ITGA9: variants seen among roughly 807,000 people sequenced by gnomAD.
ITGA9 encodes the protein integrin alpha-9.
A neutral mutation model predicts 127.8 loss-of-function variants in ITGA9; 56 were observed. That is an observed-to-expected ratio of 0.44 (90% confidence interval 0.35 to 0.55). The LOEUF is 0.55. Among genes scored for constraint, ITGA9 ranks in the 20% least tolerant of loss-of-function variants. The probability of loss-of-function intolerance (pLI) is 0.00; values close to 1 mark genes in which losing one functional copy is unlikely to be tolerated. For missense variants in ITGA9, 1,196 were observed against 1,347.1 expected (o/e 0.89, Z 1.76); for synonymous variants, 508 against 514.5 (o/e 0.99, Z 0.17).
At chr3:37,750,369 A>C (rs1696567595) in intron 22 of ITGA9, 93 bp from the exon 23 acceptor site, 1 of 831,258 alleles carries the variant, frequency 1.2e-6, no homozygotes, top group Non-Finnish European at 2.1e-6. Flanking sequence ...TCTGTATGTG[A>C]TTTCAAAGAA....
At chr3:37,698,536 G>A (rs377117818) in intron 18 of ITGA9, among the ~76,000 whole-genome samples, 7 of 152,110 alleles carry the variant, frequency 4.6e-5, no homozygotes, top group East Asian at 3.8e-4. Flanking sequence ...AAGAGATCCC[G>A]TTTTCCATCA....
intron 3 of ITGA9, 72 bp from the exon 4 acceptor site, chr3:37,481,412 C>G: frequency 7.6e-6 from 12 of 1,586,566 alleles, no homozygotes; most frequent in Non-Finnish European, 7.8e-6. Context: ...AAACATCTGG[C>G]ACTGACAGGA....
intron 18 of ITGA9, among the ~76,000 whole-genome samples, chr3:37,698,995 C>T (rs908496107): frequency 1.2e-4 from 19 of 152,220 alleles, no homozygotes; most frequent in African/African-American, 4.6e-4. Context: ...GCACTCCCTT[C>T]TTCTGGGGAT....
At chr3:37,730,655 G>A (rs1475696998) in intron 18 of ITGA9, among the ~76,000 whole-genome samples, 1 of 152,174 alleles carries the variant, frequency 6.6e-6, no homozygotes, top group Admixed American at 6.5e-5. Context: ...GTGCTGAAAT[G>A]TGGTGTGTGA....
At chr3:37,487,463 T>G (rs1019688945) in intron 4 of ITGA9, among the ~76,000 whole-genome samples, 1 of 152,224 alleles carries the variant, frequency 6.6e-6, no homozygotes, top group African/African-American at 2.4e-5. Context: ...ACTTCAAACG[T>G]GTTTCCATGT....
At chr3:37,526,821 G>A (rs1248139112) in intron 13 of ITGA9, among the ~76,000 whole-genome samples, 8 of 152,198 alleles carry the variant, frequency 5.3e-5, no homozygotes. Context: ...GATCCCAGAG[G>A]CCATGTAGTT....
chr3:37,654,769 A>G (rs993552784), intron 17 of ITGA9, among the ~76,000 whole-genome samples: 2 of 152,076 alleles, frequency 1.3e-5, no homozygotes, highest in Admixed American at 1.3e-4. Context: ...AGGTATACAC[A>G]TGCCATGGTG....
intron 16 of ITGA9, among the ~76,000 whole-genome samples, chr3:37,647,372 T>C (rs1368532730): frequency 3.9e-5 from 6 of 152,106 alleles, no homozygotes; most frequent in Non-Finnish European, 5.9e-5. Context: ...GTAAGGTATA[T>C]AAAATGATGT....
At chr3:37,568,298 C>G (rs369915973) in intron 15 of ITGA9, among the ~76,000 whole-genome samples, 13 of 152,236 alleles carry the variant, frequency 8.5e-5, no homozygotes, top group East Asian at 5.8e-4. Flanking sequence ...CTGCACAGAG[C>G]AGGGGGACCC....
intron 16 of ITGA9, among the ~76,000 whole-genome samples, chr3:37,652,617 T>G (rs1407081110): frequency 6.6e-6 from 1 of 152,188 alleles, no homozygotes; most frequent in Admixed American, 6.5e-5. Context: ...GCGCCCACAC[T>G]GACACTCTGA....
chr3:37,506,789 G>A (rs1178170646), intron 7 of ITGA9, among the ~76,000 whole-genome samples: 1 of 152,190 alleles, frequency 6.6e-6, no homozygotes, highest in South Asian at 2.1e-4. Flanking sequence ...TTTTTAAGAA[G>A]CTCCATAGGT....
At chr3:37,782,550 C>T (rs1213210564) in intron 25 of ITGA9, among the ~76,000 whole-genome samples, 1 of 152,214 alleles carries the variant, frequency 6.6e-6, no homozygotes, top group Non-Finnish European at 1.5e-5. Flanking sequence ...AGGAGCACTT[C>T]CAGGTGCAGA....
chr3:37,705,785 A>G (rs1467409775), intron 18 of ITGA9, among the ~76,000 whole-genome samples: 1 of 152,208 alleles, frequency 6.6e-6, no homozygotes, highest in East Asian at 1.9e-4. Context: ...CAGTGAGAGG[A>G]AAGAGCATGC....
At chr3:37,800,975 GC>G (rs1042791010) in intron 26 of ITGA9, among the ~76,000 whole-genome samples, 24 of 152,062 alleles carry the variant, frequency 1.6e-4, no homozygotes, top group African/African-American at 5.6e-4. Flanking sequence ...GACCAGCCAG[GC>G]CAACATGGTG....
intron 24 of ITGA9, among the ~76,000 whole-genome samples, chr3:37,778,718 A>G (rs1342843794): frequency 7.1e-6 from 1 of 140,828 alleles, no homozygotes; most frequent in Non-Finnish European, 1.5e-5. Flanking sequence ...TGAAGATGGA[A>G]TGACAATGCT....
chr3:37,472,382 T>A (rs1698442001), intron 2 of ITGA9, among the ~76,000 whole-genome samples: 1 of 152,180 alleles, frequency 6.6e-6, no homozygotes, highest in African/African-American at 2.4e-5. Flanking sequence ...GATTTTCTAA[T>A]TTTTTTGTTG....
At chr3:37,518,038 C>G (rs566662645) in intron 10 of ITGA9, among the ~76,000 whole-genome samples, 1 of 151,710 alleles carries the variant, frequency 6.6e-6, no homozygotes, top group African/African-American at 2.4e-5. Flanking sequence ...ATTAGAAACC[C>G]AGACATCTTC....
chr3:37,790,219 A>C, intron 26 of ITGA9: 1 of 560,870 alleles, frequency 1.8e-6, no homozygotes, highest in Non-Finnish European at 3.5e-6. Context: ...CGCGGAAGAC[A>C]CAAGATCTTT....
chr3:37,625,732 A>G (rs1420531340), intron 15 of ITGA9, among the ~76,000 whole-genome samples: 1 of 152,164 alleles, frequency 6.6e-6, no homozygotes, highest in Non-Finnish European at 1.5e-5. Flanking sequence ...TGCATATCCA[A>G]AAATGAAAAG....
Sources: allele counts gnomAD v4.1 joint callset (sites outside exome capture counted in the v4.1 genomes callset), GRCh38; gene constraint gnomAD v4.1.1; transcripts MANE v1.5; gene names NCBI Gene and HGNC (gene_info 2026-07-23, HGNC 2026-07-21).